The following BNC2 variants were observed in gnomAD, a reference collection of about 807,000 sequenced individuals.
BNC2 encodes basonuclin zinc finger protein 2, also known as zinc finger protein basonuclin-2.
Under a neutral mutation model 76.3 loss-of-function variants are expected in BNC2, and 20 were observed. The observed-to-expected ratio is 0.26, with a 90% CI of 0.18 to 0.38. The LOEUF is 0.38. Ranked by LOEUF, BNC2 falls within the 10% of genes least tolerant of loss-of-function variation. The pLI is 1.00. For synonymous variants in BNC2, 582 were observed against 514.8 expected, an observed-to-expected ratio of 1.13 and a Z score of -1.77; for missense variants, 1,382 against 1,399.8, an observed-to-expected ratio of 0.99 and a Z score of 0.20.
At chr9:16,849,519 C>T (rs12685962) in intron 1 of BNC2, among the ~76,000 whole-genome samples, 4 of 151,636 alleles carry the variant, frequency 2.6e-5, no homozygotes, top group South Asian at 2.1e-4. Context: ...CCACCACGCC[C>T]GACTAATTTT....
At chr9:16,584,195 G>T (rs1819706790) in intron 3 of BNC2, among the ~76,000 whole-genome samples, 1 of 152,152 alleles carries the variant, frequency 6.6e-6, no homozygotes, top group Non-Finnish European at 1.5e-5. Context: ...ATTCTGGGGT[G>T]GAGGGGTGGG....
At chr9:16,858,859 A>T (rs1819327827) in intron 1 of BNC2, among the ~76,000 whole-genome samples, 1 of 152,070 alleles carries the variant, frequency 6.6e-6, no homozygotes. Flanking sequence ...AAAAAAAGAA[A>T]AAAAGAAAAA....
Position 16,437,067 on chromosome 9 carries a change from T to C in BNC2, c.1127A>G (p.Tyr376Cys). 1.2e-6 allele frequency: 2 copies of C among 1,614,136 alleles called. No individual in the cohort carries two copies. Among genetic ancestry groups the C allele is most frequent in the East Asian group, 2.2e-5 (1 of 44,860 alleles). ...TCTATTGGGTGTTTGATCATTCTTA[T>C]AAGGTGTGGGAGAAACTTCGGATTC... is the stretch of plus-strand genomic sequence containing the variant. ...SSESEVSPTPYKNDQTPNRNA... is the reference protein window; with the variant it reads ...SSESEVSPTPCKNDQTPNRNA... The change falls in exon 6 of 7, where the codon TAT becomes TGT. Residue 376 changes from tyrosine to cysteine, a missense_variant. Tyr to Cys is a radical substitution (Grantham distance 194). Transcript: ENST00000380672.
intron 1 of BNC2, among the ~76,000 whole-genome samples, chr9:16,772,191 G>A (rs893298639): frequency 6.6e-6 from 1 of 152,088 alleles, no homozygotes; most frequent in Non-Finnish European, 1.5e-5. Context: ...TTCCCTACAG[G>A]TTATTTTCTT....
chr9:16,797,026 G>A (rs892107247), intron 1 of BNC2, among the ~76,000 whole-genome samples: 1 of 152,162 alleles, frequency 6.6e-6, no homozygotes, highest in Non-Finnish European at 1.5e-5. Flanking sequence ...ACAAAATATG[G>A]TGTTGGTAGT....
At chr9:16,758,490 C>T (rs758716670) in intron 1 of BNC2, among the ~76,000 whole-genome samples, 3 of 152,052 alleles carry the variant, frequency 2.0e-5, no homozygotes, top group Non-Finnish European at 4.4e-5. Context: ...ACCACCACAC[C>T]CGGCTCCTTT....
intron 3 of BNC2, among the ~76,000 whole-genome samples, chr9:16,620,182 A>G (rs148147911): frequency 1.5e-3 from 230 of 152,338 alleles, no homozygotes; most frequent in African/African-American, 5.3e-3. Flanking sequence ...ATTTGTAGAC[A>G]GAGCCAAAGG....
intron 3 of BNC2, among the ~76,000 whole-genome samples, chr9:16,718,391 T>C (rs1388214557): frequency 1.3e-5 from 2 of 152,176 alleles, no homozygotes; most frequent in African/African-American, 4.8e-5. Flanking sequence ...CTCTCCACAA[T>C]GAAGAGTATT....
chr9:16,704,939 A>C (rs886919875), intron 3 of BNC2: 1 of 152,394 alleles, frequency 6.6e-6, no homozygotes, highest in South Asian at 2.1e-4. Flanking sequence ...CCTCCTCTCT[A>C]TCTCCCAACC....
At chr9:16,524,630 C>T (rs1216169808) in intron 5 of BNC2, among the ~76,000 whole-genome samples, 1 of 152,118 alleles carries the variant, frequency 6.6e-6, no homozygotes, top group African/African-American at 2.4e-5. Context: ...ACATGTTTAA[C>T]ATACTCTGTG....
At chr9:16,772,598 G>A in intron 1 of BNC2, among the ~76,000 whole-genome samples, 1 of 152,082 alleles carries the variant, frequency 6.6e-6, no homozygotes, top group Middle Eastern at 3.2e-3. Context: ...CACCTCATGG[G>A]AAACTGTACT....
intron 5 of BNC2, among the ~76,000 whole-genome samples, chr9:16,509,146 C>G (rs1822697725): frequency 6.6e-6 from 1 of 152,096 alleles, no homozygotes; most frequent in Non-Finnish European, 1.5e-5. Flanking sequence ...ACATCTTAAA[C>G]TCACCCCAAA....
At chr9:16,489,504 G>C (rs567352738) in intron 5 of BNC2, among the ~76,000 whole-genome samples, 1 of 152,286 alleles carries the variant, frequency 6.6e-6, no homozygotes, top group East Asian at 1.9e-4. Context: ...TCTCAGGGTA[G>C]GAAGGCTGAG....
intron 1 of BNC2, among the ~76,000 whole-genome samples, chr9:16,803,413 G>A (rs1444272478): frequency 1.3e-5 from 2 of 152,198 alleles, no homozygotes; most frequent in African/African-American, 2.4e-5. Context: ...AACGAAGGGA[G>A]GCAAGGGCTG....
At chr9:16,780,257 C>A (rs28451645) in intron 1 of BNC2, among the ~76,000 whole-genome samples, 12,953 of 77,284 alleles carry the variant, frequency 0.17, 777 homozygotes, top group South Asian at 0.3. Flanking sequence ...AAAAAAAAAA[C>A]AAAAAAAAAC....
At chr9:16,856,837 T>C (rs776702132) in intron 1 of BNC2, among the ~76,000 whole-genome samples, 7 of 152,196 alleles carry the variant, frequency 4.6e-5, no homozygotes, top group African/African-American at 1.2e-4. Context: ...TTCGTGTTGA[T>C]AGAATGAACT....
chr9:16,421,601 T>A (rs1346587806), intron 6 of BNC2, among the ~76,000 whole-genome samples: 1 of 152,084 alleles, frequency 6.6e-6, no homozygotes, highest in Non-Finnish European at 1.5e-5. Context: ...AGTGTGTGGG[T>A]ATGTGAATGA....
chr9:16,797,437 A>T (rs1404955374), intron 1 of BNC2, among the ~76,000 whole-genome samples: 4 of 152,174 alleles, frequency 2.6e-5, no homozygotes, highest in Non-Finnish European at 5.9e-5. Context: ...CACATCACTA[A>T]ACAATCATGC....
chr9:16,870,620 G>A (rs755236168), intron 1 of BNC2, 26 bp downstream of exon 1: 2 of 1,610,346 alleles, frequency 1.2e-6, no homozygotes, highest in Non-Finnish European at 1.7e-6. Context: ...TAGAATAAAA[G>A]AGGAAGGAGG....
Sources: allele counts gnomAD v4.1 joint callset (sites outside exome capture counted in the v4.1 genomes callset), GRCh38; gene constraint gnomAD v4.1.1; transcripts MANE v1.5; gene names NCBI Gene and HGNC (gene_info 2026-07-23, HGNC 2026-07-21).